LRP1B: variants seen among roughly 807,000 people sequenced by gnomAD.
The protein encoded by LRP1B is low-density lipoprotein receptor-related protein 1B.
In LRP1B, 217 loss-of-function variants were observed where a neutral mutation model predicts 556.6. That is an observed-to-expected ratio of 0.39 (90% CI 0.35 to 0.44). The LOEUF (loss-of-function observed/expected upper bound fraction) is 0.44, where lower values mean the gene tolerates loss of function less well. Ranked by LOEUF, LRP1B falls within the 20% of genes least tolerant of loss-of-function variation. LRP1B has a pLI of 1.00. For missense variants in LRP1B, 5,053 were observed against 5,620.8 expected (o/e 0.90, Z 3.23); for synonymous variants, 2,047 against 1,865.8 (o/e 1.10, Z -2.50).
At chr2:140,606,934 A>T (rs1210877927) in intron 41 of LRP1B, among the ~76,000 whole-genome samples, 13 of 152,048 alleles carry the variant, frequency 8.5e-5, no homozygotes, top group Non-Finnish European at 1.8e-4. Flanking sequence ...TACAAATGAA[A>T]AAAGAAAAAC....
intron 46 of LRP1B, among the ~76,000 whole-genome samples, chr2:140,535,058 A>G (rs775147978): frequency 6.6e-6 from 1 of 152,178 alleles, no homozygotes; most frequent in Non-Finnish European, 1.5e-5. Context: ...CTGTTTTCGT[A>G]TGGCTCTGGG....
chr2:140,527,561 G>T (rs957820976), intron 47 of LRP1B, among the ~76,000 whole-genome samples: 2 of 151,804 alleles, frequency 1.3e-5, no homozygotes, highest in Admixed American at 6.6e-5. Flanking sequence ...TAGAATAAAT[G>T]TTTTATTTAC....
intron 1 of LRP1B, among the ~76,000 whole-genome samples, chr2:141,999,586 G>C (rs1247143620): frequency 6.6e-6 from 1 of 152,030 alleles, no homozygotes; most frequent in African/African-American, 2.4e-5. Flanking sequence ...ACAATTAAAA[G>C]TAGAGTTTGT....
chr2:140,873,954 A>T (rs1693222543), intron 25 of LRP1B, among the ~76,000 whole-genome samples: 1 of 151,778 alleles, frequency 6.6e-6, no homozygotes, highest in African/African-American at 2.4e-5. Context: ...TTTTGGTAAG[A>T]AAGCTTAAAG....
chr2:141,203,771 A>G (rs1269797735), intron 6 of LRP1B, among the ~76,000 whole-genome samples: 1 of 152,208 alleles, frequency 6.6e-6, no homozygotes, highest in Non-Finnish European at 1.5e-5. Flanking sequence ...AATTGACCAC[A>G]TAATTGGAAG....
At chr2:140,907,430 C>G (rs1694289339) in intron 22 of LRP1B, among the ~76,000 whole-genome samples, 1 of 151,962 alleles carries the variant, frequency 6.6e-6, no homozygotes. Flanking sequence ...ATTCAATTGG[C>G]TTTATTATCC....
chr2:141,252,113 G>A (rs1331796174), intron 4 of LRP1B, among the ~76,000 whole-genome samples: 1 of 151,788 alleles, frequency 6.6e-6, no homozygotes, highest in Non-Finnish European at 1.5e-5. Flanking sequence ...ACACACTTAA[G>A]CTTCAGTCAC....
rs143271019 is a variant in LRP1B at position 140,805,853 on chromosome 2, G to A, written c.5359+7804C>T. Among the ~76,000 whole-genome samples, 279 of 152,138 alleles carry A rather than the reference G, an allele frequency of 1.8e-3. 1 individual carries two copies. Among genetic ancestry groups the A allele is most frequent in the Middle Eastern group, 6.8e-3 (2 of 294 alleles). On this transcript the variant is annotated intron_variant, in intron 32 of 90. Coordinates refer to ENST00000389484, the MANE Select transcript of LRP1B (RefSeq NM_018557.3). ...AAGAATTATATATGTGCTTGTGTAC[G>A]TATGTGTGTGCATATATATATGGAT...
chr2:140,982,859 G>T (rs369408083), intron 17 of LRP1B, among the ~76,000 whole-genome samples: 2 of 147,562 alleles, frequency 1.4e-5, no homozygotes, highest in Non-Finnish European at 1.5e-5. Flanking sequence ...GCCTTAAGGT[G>T]TTTTTTTTTT....
At chr2:141,245,670 T>C (rs937954347) in intron 5 of LRP1B, among the ~76,000 whole-genome samples, 12 of 152,196 alleles carry the variant, frequency 7.9e-5, no homozygotes, top group African/African-American at 2.7e-4. Context: ...TTGTGACTAG[T>C]GAATCTCAAA....
At chr2:141,605,286 T>A (rs767041955) in intron 2 of LRP1B, among the ~76,000 whole-genome samples, 5 of 152,030 alleles carry the variant, frequency 3.3e-5, no homozygotes, top group Non-Finnish European at 7.4e-5. Flanking sequence ...GAATATTGAT[T>A]GGGGACATAT....
chr2:140,550,089 G>T (rs945572237), intron 43 of LRP1B, among the ~76,000 whole-genome samples: 1 of 151,718 alleles, frequency 6.6e-6, no homozygotes, highest in African/African-American at 2.4e-5. Context: ...TCCTGCTTAT[G>T]AGTAAGAACG....
intron 16 of LRP1B, among the ~76,000 whole-genome samples, chr2:140,993,781 T>C (rs981621690): frequency 4.6e-5 from 7 of 151,992 alleles, no homozygotes; most frequent in Non-Finnish European, 1.0e-4. Flanking sequence ...AAAATGATAA[T>C]ATGAAGGATG....
chr2:141,218,483 C>T lies in LRP1B; in HGVS notation c.850+10700G>A, dbSNP rs193085317. 2.3e-3 allele frequency among the ~76,000 whole-genome samples: 344 copies of T among 152,122 alleles called. 2 individuals carry two copies. The highest frequency in any genetic ancestry group is 7.3e-3 in the African/African-American group (305 of 41,504). ...AAGGATGAAATCATGTCCTTTGCAG[C>T]GACATGTATGCAGCTGGAAGCCATT... On this transcript the variant is annotated intron_variant, in intron 6 of 90. Transcript: ENST00000389484.
At chr2:141,200,316 C>T (rs1681953347) in intron 6 of LRP1B, among the ~76,000 whole-genome samples, 1 of 151,988 alleles carries the variant, frequency 6.6e-6, no homozygotes, top group Admixed American at 6.6e-5. Context: ...TTCTCAGTCA[C>T]AAGTGGGAGC....
chr2:140,358,502 GACAT>G (rs1488267020), intron 73 of LRP1B, among the ~76,000 whole-genome samples: 3 of 151,548 alleles, frequency 2.0e-5, no homozygotes, highest in East Asian at 3.9e-4. Flanking sequence ...GAATTGCATA[GACAT>G]ACAATCTATA....
intron 2 of LRP1B, among the ~76,000 whole-genome samples, chr2:141,594,316 G>A (rs1322922244): frequency 2.0e-5 from 3 of 152,106 alleles, no homozygotes; most frequent in Non-Finnish European, 4.4e-5. Context: ...GGTGCAGAAA[G>A]ACCACAACAC....
At chr2:141,349,447 A>G (rs2714214) in intron 3 of LRP1B, among the ~76,000 whole-genome samples, 85,096 of 151,834 alleles carry the variant, frequency 0.56, 24,565 homozygotes, top group Non-Finnish European at 0.6. Flanking sequence ...TTGTTTTACA[A>G]TGGAATAGGG....
At chr2:140,410,135 G>A (rs2380791) in intron 66 of LRP1B, among the ~76,000 whole-genome samples, 17,543 of 151,692 alleles carry the variant, frequency 0.12, 1,155 homozygotes, top group African/African-American at 0.18. Context: ...TTATTCCTGA[G>A]CTATATATTT....
Sources: allele counts gnomAD v4.1 joint callset (sites outside exome capture counted in the v4.1 genomes callset), GRCh38; gene constraint gnomAD v4.1.1; transcripts MANE v1.5; gene names NCBI Gene and HGNC (gene_info 2026-07-23, HGNC 2026-07-21).